The following GSAP variants were observed in gnomAD, a reference collection of about 807,000 sequenced individuals.
GSAP encodes the protein gamma-secretase activating protein.
In GSAP, 118 loss-of-function variants were observed where a neutral mutation model predicts 131.7. The observed-to-expected ratio is 0.90, with a 90% CI of 0.77 to 1.04. GSAP has a LOEUF of 1.04. Among genes scored for constraint, GSAP ranks in the 50% least tolerant of loss-of-function variants. The pLI, the probability that GSAP is intolerant of heterozygous loss-of-function variation, is 0.00. For missense variants in GSAP, 1,019 were observed against 1,013.2 expected, an observed-to-expected ratio of 1.01 and a Z score of -0.08; for synonymous variants, 381 against 363.4, an observed-to-expected ratio of 1.05 and a Z score of -0.55.
chr7:77,314,546 G>A (rs943692614), intron 26 of GSAP, 57 bp from the exon 27 acceptor site: 73 of 1,601,214 alleles, frequency 4.6e-5, no homozygotes, highest in South Asian at 3.4e-4. Context: ...AGCAGCCCCC[G>A]GGGAATGGAT....
intron 19 of GSAP, among the ~76,000 whole-genome samples, chr7:77,332,992 C>T (rs1447138201): frequency 1.3e-5 from 2 of 152,096 alleles, no homozygotes; most frequent in Non-Finnish European, 2.9e-5. Flanking sequence ...CATGATGAAA[C>T]CCCATCTCTA....
rs1352267721 is a variant in GSAP at position 77,414,939 on chromosome 7, C to G, written c.109+1274G>C. ...GTGGCGAGATCTCGGCTCACTGCAA[C>G]CTCTGCCTCCCAGGTTCAAGCGATT... On this transcript the variant is annotated intron_variant, in intron 1 of 30. Coordinates refer to ENST00000257626, the MANE Select transcript of GSAP (RefSeq NM_017439.4). 2.8e-5 allele frequency among the ~76,000 whole-genome samples: 4 copies of G among 140,520 alleles called. No individual in the cohort carries two copies. The Admixed American group carries it at 3.0e-4, about 11-fold the overall frequency. 92.2% of individuals were successfully genotyped at this position (140,520 alleles called of 152,430 possible). A position where few individuals can be genotyped will look rare whatever the true frequency, so the allele number is the denominator to read the frequency against.
In GSAP at chr7:77,311,418, C is replaced by T. The variant is rs1214115371; in HGVS notation, c.2505G>A (p.Val835=). The T allele has an allele frequency of 6.2e-7, 1 of 1,611,666 alleles. No individual in the cohort carries two copies. Among genetic ancestry groups the T allele is most frequent in the Admixed American group, 1.7e-5 (1 of 60,016 alleles). The stretch of plus-strand genomic sequence containing the variant: ...CTGCTTCCTCTACAAATTCTGCATC[C>T]ACATTGTCATGTCCTTCAAAAGGAT... ...ALYPFEGHDN[V]DAEFVEEAAL... The change falls in exon 31 of 31, where the codon GTG becomes GTA. Residue 835 remains valine (V), a synonymous_variant. Coordinates refer to ENST00000257626, the MANE Select transcript of GSAP (RefSeq NM_017439.4).
At chr7:77,354,228 G>A (rs535643396) in intron 16 of GSAP, among the ~76,000 whole-genome samples, 8 of 152,284 alleles carry the variant, frequency 5.3e-5, no homozygotes, top group African/African-American at 1.4e-4. Context: ...TTGCACTTCT[G>A]CTCCTACCAG....
chr7:77,382,602 G>T lies in GSAP; in HGVS notation c.498C>A (p.Asn166Lys). Residue 166 changes from asparagine (N) to lysine (K), a missense_variant, in exon 7 of 31, where the codon AAC (asparagine) becomes AAA (lysine). Physicochemically the swap from Asn to Lys is moderately conservative, Grantham distance 94. Transcript: ENST00000257626. ...PHIESHPLPE[N>K]HLLLISEEKY... ...TCTCTTCTGAAATCAGTAACAGATG[G>T]TTCTCTGGAAGAGGATGACTTTCAA... The T allele has an allele frequency of 1.3e-6, 2 of 1,572,346 alleles. No homozygotes were observed. Among genetic ancestry groups the T allele is most frequent in the Non-Finnish European group, 1.8e-6 (2 of 1,142,150 alleles).
chr7:77,404,312 G>T (rs977616089), intron 3 of GSAP, among the ~76,000 whole-genome samples: 1 of 152,186 alleles, frequency 6.6e-6, no homozygotes, highest in African/African-American at 2.4e-5. Context: ...TATTGCCAAT[G>T]AGTTTTCTTT....
chr7:77,348,002 A>T (rs1300374617), intron 19 of GSAP, among the ~76,000 whole-genome samples: 1 of 150,298 alleles, frequency 6.7e-6, no homozygotes, highest in African/African-American at 2.4e-5. Flanking sequence ...AAAAAAAAAA[A>T]TAAGAAAAAA....
At chr7:77,385,495 C>T (rs1798434472) in intron 6 of GSAP, among the ~76,000 whole-genome samples, 1 of 152,042 alleles carries the variant, frequency 6.6e-6, no homozygotes, top group Admixed American at 6.6e-5. Context: ...CTTTAGTTAC[C>T]CCAATCCTTC....
In GSAP at chr7:77,330,181, C is replaced by T. The variant is rs1420530096; in HGVS notation, c.1674+58G>A. On this transcript the variant is annotated intron_variant, in intron 20 of 30. Transcript: ENST00000257626. ...CCAGCCTTATGATTTAAAGGCATCA[C>T]CTGGATCCAGTCCACTATGCCTCGC... 5 of 1,546,758 alleles carry T rather than the reference C, an allele frequency of 3.2e-6. No individual in the cohort carries two copies. In the East Asian group the frequency reaches 9.5e-5, roughly 29 times the overall value.
intron 30 of GSAP, 55 bp from the exon 31 acceptor site, chr7:77,311,504 CATTT>C: frequency 1.2e-6 from 1 of 862,496 alleles, no homozygotes; most frequent in Non-Finnish European, 1.9e-6. Flanking sequence ...GTCCGTGAAA[CATTT>C]ATAACTTTGT....
At chr7:77,402,985 T>TA (rs1281717745) in intron 3 of GSAP, among the ~76,000 whole-genome samples, 1 of 152,150 alleles carries the variant, frequency 6.6e-6, no homozygotes, top group Non-Finnish European at 1.5e-5. Flanking sequence ...TCACAGGCAG[T>TA]AAGCTAAAGG....
At chr7:77,394,761 T>C (rs1164523591) in intron 5 of GSAP, among the ~76,000 whole-genome samples, 4 of 152,204 alleles carry the variant, frequency 2.6e-5, no homozygotes, top group African/African-American at 4.8e-5. Context: ...CTTGCCACCA[T>C]TGGTCATGGG....
chr7:77,357,020 C>T (rs1443386668), intron 14 of GSAP, among the ~76,000 whole-genome samples: 1 of 152,174 alleles, frequency 6.6e-6, no homozygotes, highest in East Asian at 1.9e-4. Context: ...TACAGTGGGA[C>T]ATAATGGAAA....
chr7:77,364,951 GATA>G (rs1035655372), intron 12 of GSAP, among the ~76,000 whole-genome samples: 32 of 152,136 alleles, frequency 2.1e-4, no homozygotes, highest in African/African-American at 6.3e-4. Context: ...TCAAAATGTG[GATA>G]ATATGACTGA....
intron 8 of GSAP, among the ~76,000 whole-genome samples, chr7:77,380,382 G>A (rs112991555): frequency 3.7e-4 from 56 of 152,102 alleles, no homozygotes; most frequent in African/African-American, 1.2e-3. Context: ...TGTACCCATC[G>A]AACAATCCAT....
At chr7:77,367,653 G>T (rs980009147) in intron 12 of GSAP, among the ~76,000 whole-genome samples, 1 of 152,168 alleles carries the variant, frequency 6.6e-6, no homozygotes, top group Non-Finnish European at 1.5e-5. Context: ...ATATTGGCCT[G>T]AAGTTTTCTT....
chr7:77,346,970 T>G (rs1488098548), intron 19 of GSAP, among the ~76,000 whole-genome samples: 1 of 135,068 alleles, frequency 7.4e-6, no homozygotes, highest in African/African-American at 2.8e-5. Context: ...GCCTTTCTGA[T>G]TGCAGATCTT....
At chr7:77,412,318 T>G (rs1038676787) in intron 1 of GSAP, among the ~76,000 whole-genome samples, 1 of 152,202 alleles carries the variant, frequency 6.6e-6, no homozygotes, top group African/African-American at 2.4e-5. Context: ...AATTAGCTAT[T>G]AATTTTTTTA....
intron 5 of GSAP, among the ~76,000 whole-genome samples, chr7:77,392,543 G>A (rs578043134): frequency 3.3e-5 from 5 of 152,188 alleles, no homozygotes; most frequent in African/African-American, 1.2e-4. Context: ...GCAAGGCACT[G>A]TCTCAAAAAA....
Sources: gnomAD v4.1 joint callset for allele counts (sites outside exome capture counted in the v4.1 genomes callset) on GRCh38, gnomAD v4.1.1 for gene constraint, MANE v1.5 for transcripts, NCBI Gene and HGNC (gene_info 2026-07-23, HGNC 2026-07-21) for gene names.